FRMPD4: variants seen among roughly 807,000 people sequenced by gnomAD.
The protein encoded by FRMPD4 is FERM and PDZ domain containing 4.
FRMPD4 carries 22 observed loss-of-function variants against 94.1 expected under a neutral mutation model. The observed-to-expected ratio is 0.23, with a 90% confidence interval of 0.17 to 0.33. FRMPD4 has a LOEUF of 0.33. Among genes scored for constraint, FRMPD4 ranks in the 10% least tolerant of loss-of-function variants. The pLI is 1.00. For missense variants in FRMPD4, 1,111 were observed against 1,339.9 expected (o/e 0.83, Z 2.67); for synonymous variants, 631 against 548.6 (o/e 1.15, Z -2.10).
intron 1 of FRMPD4, among the ~76,000 whole-genome samples, chrX:12,379,793 T>C: frequency 9.1e-6 from 1 of 110,314 alleles, no homozygotes; most frequent in Middle Eastern, 4.6e-3. Flanking sequence ...AAATATTGGC[T>C]CTCAAAAAGA....
At chrX:11,969,375 G>A (rs2054328264) in intron 3 of FRMPD4, among the ~76,000 whole-genome samples, 2 of 112,413 alleles carry the variant, frequency 1.8e-5, no homozygotes, top group Non-Finnish European at 3.8e-5. Context: ...TGTACTCCGA[G>A]AACATTGCAG....
At chrX:12,422,126 G>T (rs1209184285) in intron 1 of FRMPD4, among the ~76,000 whole-genome samples, 1 of 111,859 alleles carries the variant, frequency 8.9e-6, no homozygotes, top group African/African-American at 3.3e-5. Context: ...TGGCTTTGGG[G>T]CGTGCTTCTT....
At chrX:12,086,667 G>C (rs949381961) in intron 3 of FRMPD4, among the ~76,000 whole-genome samples, 1 of 111,522 alleles carries the variant, frequency 9.0e-6, no homozygotes, top group Non-Finnish European at 1.9e-5. Context: ...AAGCTAGGCT[G>C]GTCCTGAGAA....
At chrX:11,920,279 G>A (rs769877069) in intron 3 of FRMPD4, among the ~76,000 whole-genome samples, 76 of 111,748 alleles carry the variant, frequency 6.8e-4, no homozygotes, top group African/African-American at 2.4e-3. Flanking sequence ...TTATTTAAAT[G>A]CCAGCATTGT....
intron 1 of FRMPD4, among the ~76,000 whole-genome samples, chrX:12,458,872 A>G (rs2057362851): frequency 9.0e-6 from 1 of 111,402 alleles, no homozygotes; most frequent in Non-Finnish European, 1.9e-5. Context: ...GATAATGAAT[A>G]CAGTGTTCCA....
intron 1 of FRMPD4, among the ~76,000 whole-genome samples, chrX:12,447,019 A>G (rs764120769): frequency 3.2e-4 from 36 of 111,410 alleles, no homozygotes; most frequent in Non-Finnish European, 6.2e-4. Context: ...GAGGAATGCA[A>G]TGTGGACCTT....
chrX:12,415,899 C>T (rs1333981715), intron 1 of FRMPD4, among the ~76,000 whole-genome samples: 2 of 112,040 alleles, frequency 1.8e-5, no homozygotes, highest in East Asian at 2.8e-4. Context: ...GTATTATTTG[C>T]GATTATCAGC....
intron 1 of FRMPD4, among the ~76,000 whole-genome samples, chrX:12,425,046 T>G (rs1299481449): frequency 8.9e-6 from 1 of 112,687 alleles, no homozygotes; most frequent in Non-Finnish European, 1.9e-5. Context: ...CTTTAATTAT[T>G]TGTACCGAAT....
intron 5 of FRMPD4, among the ~76,000 whole-genome samples, chrX:12,675,393 G>C (rs781601464): frequency 2.1e-5 from 2 of 96,883 alleles, no homozygotes; most frequent in Non-Finnish European, 4.1e-5. Flanking sequence ...AGGGTGGAAA[G>C]TGATTTAAAA....
intron 4 of FRMPD4, among the ~76,000 whole-genome samples, chrX:12,665,259 G>A (rs1442469670): frequency 2.7e-5 from 3 of 111,294 alleles, no homozygotes; most frequent in African/African-American, 6.5e-5. Context: ...TGGCTAACAC[G>A]AAGAAACCCC....
intron 3 of FRMPD4, among the ~76,000 whole-genome samples, chrX:11,893,276 C>A (rs1321194839): frequency 8.9e-6 from 1 of 111,915 alleles, no homozygotes; most frequent in East Asian, 2.8e-4. Flanking sequence ...ATGACCTTGA[C>A]AGTCTTAAGG....
intron 4 of FRMPD4, among the ~76,000 whole-genome samples, chrX:12,616,993 A>G (rs1056982992): frequency 6.2e-5 from 7 of 112,533 alleles, no homozygotes; most frequent in African/African-American, 2.3e-4. Flanking sequence ...AAGTGTGATC[A>G]CTTCCTAGCA....
rs370429800 is a variant in FRMPD4 at position 12,138,937 on chromosome X, G to A, written c.-35G>A. The A allele has an allele frequency of 4.5e-5, 50 of 1,121,964 alleles. No homozygotes were observed. In the Admixed American group the frequency reaches 4.7e-4, roughly 11 times the overall value. The allele number at this position is 1,121,964 out of a possible 1,213,427, so 92.5% of individuals were successfully genotyped here. On this transcript the variant is annotated 5_prime_UTR_variant, in exon 1 of 17. Transcript: ENST00000675598. ...TGTTGCTGGCGTGAGAAGGGGCGAC[G>A]GAGTTGTCGCGCTCGGGGGTCCCCA... is the stretch of plus-strand genomic sequence containing the variant.
At chrX:12,544,655 G>C (rs1453383805) in intron 2 of FRMPD4, among the ~76,000 whole-genome samples, 1 of 111,395 alleles carries the variant, frequency 9.0e-6, no homozygotes, top group African/African-American at 3.3e-5. Context: ...TACCAACTGT[G>C]ATTTTATCCC....
chrX:12,438,799 G>A (rs1024651361), intron 1 of FRMPD4, among the ~76,000 whole-genome samples: 1 of 111,639 alleles, frequency 9.0e-6, no homozygotes, highest in Non-Finnish European at 1.9e-5. Flanking sequence ...GAGGTGGCAA[G>A]AAATAGAAGT....
chrX:12,686,822 T>C (rs59948258), intron 7 of FRMPD4, among the ~76,000 whole-genome samples: 2,239 of 111,576 alleles, frequency 0.02, 44 homozygotes, highest in African/African-American at 0.062. Flanking sequence ...GCAAAGCATA[T>C]GGTTTTTTTC....
chrX:12,402,442 C>T (rs1445453640), intron 1 of FRMPD4, among the ~76,000 whole-genome samples: 1 of 111,415 alleles, frequency 9.0e-6, no homozygotes, highest in East Asian at 2.8e-4. Context: ...ACTTCCCTAC[C>T]TCAGTAAGTT....
At chrX:12,257,846 C>T (rs2054135763) in intron 1 of FRMPD4, among the ~76,000 whole-genome samples, 1 of 109,810 alleles carries the variant, frequency 9.1e-6, no homozygotes, top group Non-Finnish European at 1.9e-5. Flanking sequence ...ATGAAGTGTC[C>T]CTTCTTTTTT....
At chrX:12,015,328 C>T (rs1375441077) in intron 3 of FRMPD4, among the ~76,000 whole-genome samples, 4 of 111,417 alleles carry the variant, frequency 3.6e-5, no homozygotes, top group African/African-American at 1.3e-4. Flanking sequence ...CACACTGCCC[C>T]TCATCTTAGC....
Sources: gnomAD v4.1 joint callset for allele counts (sites outside exome capture counted in the v4.1 genomes callset) on GRCh38, gnomAD v4.1.1 for gene constraint, MANE v1.5 for transcripts, NCBI Gene and HGNC (gene_info 2026-07-23, HGNC 2026-07-21) for gene names.